The following STX8 variants were observed in gnomAD, a reference collection of about 807,000 sequenced individuals.
The protein encoded by STX8 is syntaxin 8, also known as syntaxin-8.
In STX8, 23 loss-of-function variants were observed where a neutral mutation model predicts 37.5. The observed-to-expected ratio is 0.61, with a 90% confidence interval of 0.44 to 0.87. The LOEUF (loss-of-function observed/expected upper bound fraction) is 0.87. STX8 is among the 40% of genes least tolerant of loss of function. The pLI, the probability that STX8 is intolerant of heterozygous loss-of-function variation, is 0.00. For synonymous variants in STX8, 115 were observed against 99.1 expected (o/e 1.16, Z -0.95); for missense variants, 313 against 284.7 (o/e 1.10, Z -0.71).
chr17:9,340,718 C>T (rs1020970382), intron 7 of STX8, among the ~76,000 whole-genome samples: 3 of 116,930 alleles, frequency 2.6e-5, no homozygotes, highest in African/African-American at 3.3e-5. Flanking sequence ...AGTGCAATGG[C>T]GTAATCTGGG....
At chr17:9,551,405 AT>A (rs749367680) in intron 3 of STX8, among the ~76,000 whole-genome samples, 1 of 152,244 alleles carries the variant, frequency 6.6e-6, no homozygotes, top group Non-Finnish European at 1.5e-5. Context: ...TGACCTGTAA[AT>A]TCTCAATGGT....
At chr17:9,301,149 T>C (rs533544430) in intron 7 of STX8, among the ~76,000 whole-genome samples, 1 of 152,228 alleles carries the variant, frequency 6.6e-6, no homozygotes, top group East Asian at 1.9e-4. Flanking sequence ...TTGTTCTTGA[T>C]CTGATCCTCT....
chr17:9,527,185 C>CAAAAAAAAAAAAAAAAAAAAAAA, intron 4 of STX8, among the ~76,000 whole-genome samples: 2 of 49,632 alleles, frequency 4.0e-5, no homozygotes, highest in African/African-American at 1.9e-4. Context: ...GACTCCGTCT[C>CAAAAAAAAAAAAAAAAAAAAAAA]AAAAAAAAAA....
intron 7 of STX8, among the ~76,000 whole-genome samples, chr17:9,371,609 T>C (rs1911403207): frequency 6.6e-6 from 1 of 151,616 alleles, no homozygotes; most frequent in African/African-American, 2.4e-5. Context: ...CTCTTCAAGA[T>C]GCTAACATTT....
At chr17:9,343,018 CAAA>C (rs4063994) in intron 7 of STX8, among the ~76,000 whole-genome samples, 16 of 110,550 alleles carry the variant, frequency 1.4e-4, no homozygotes, top group African/African-American at 6.0e-4. Context: ...GAAACTGTCT[CAAA>C]AAAAAAAAAA....
At position 9,316,698 on chromosome 17, in the gene STX8, G is replaced by A. The variant is rs530974622; in HGVS notation, c.643+61854C>T. Among the ~76,000 whole-genome samples the A allele has an allele frequency of 3.9e-5, 6 of 152,234 alleles. No homozygotes were observed. The South Asian group carries it at 8.3e-4, about 21-fold the overall frequency. On this transcript the variant is annotated intron_variant, in intron 7 of 7. Transcript: ENST00000306357. The stretch of plus-strand genomic sequence containing the variant: ...TAAATGAAGTGTTTCTTGGAGTTCC[G>A]TGACCCATTTTAAGCAAATAATCGA...
intron 7 of STX8, among the ~76,000 whole-genome samples, chr17:9,314,644 G>C (rs1323794414): frequency 1.3e-5 from 2 of 149,576 alleles, no homozygotes; most frequent in Admixed American, 1.3e-4. Flanking sequence ...TCCTGACCTA[G>C]TGATCCACCT....
intron 7 of STX8, among the ~76,000 whole-genome samples, chr17:9,262,910 C>A: frequency 6.6e-6 from 1 of 152,206 alleles, no homozygotes; most frequent in East Asian, 1.9e-4. Flanking sequence ...GAGCCAAAGT[C>A]ATCTCTGCTT....
chr17:9,337,250 G>A (rs879688), intron 7 of STX8, among the ~76,000 whole-genome samples: 5,303 of 152,198 alleles, frequency 0.035, 334 homozygotes, highest in African/African-American at 0.12. Flanking sequence ...AGTTGTGGAA[G>A]AAAAAGAGCT....
intron 7 of STX8, among the ~76,000 whole-genome samples, chr17:9,366,057 G>T (rs1299801904): frequency 6.6e-6 from 1 of 152,158 alleles, no homozygotes; most frequent in Non-Finnish European, 1.5e-5. Flanking sequence ...ATCACCATAG[G>T]TTCCATGATC....
At chr17:9,562,385 G>T (rs1420664534) in intron 2 of STX8, among the ~76,000 whole-genome samples, 1 of 150,030 alleles carries the variant, frequency 6.7e-6, no homozygotes, top group South Asian at 2.1e-4. Context: ...CAGCCTGGGC[G>T]ACAGAGCGAG....
Position 9,250,592 on chromosome 17 carries a change from A to G in STX8, c.697T>C (p.Trp233Arg), listed in dbSNP as rs1013358690. The change falls in exon 8 of 8, where the codon TGG becomes CGG. Residue 233 changes from tryptophan to arginine, a missense_variant. Trp to Arg is a moderately radical substitution (Grantham distance 101). Coordinates refer to ENST00000306357, the MANE Select transcript of STX8 (RefSeq NM_004853.3). ...LLVAIVVVAV[W>R]PTN ...CTTTACTGCCATCAGTTGGTCGGCCAGACTGCAACAACCACGATAGCCACA... is the reference window on the plus strand; with the variant it reads ...CTTTACTGCCATCAGTTGGTCGGCCGGACTGCAACAACCACGATAGCCACA... 1.3e-6 allele frequency: 2 copies of G among 1,596,966 alleles called. No homozygotes were observed. Among genetic ancestry groups the G allele is most frequent in the Non-Finnish European group, 1.7e-6 (2 of 1,172,082 alleles).
intron 7 of STX8, among the ~76,000 whole-genome samples, chr17:9,258,346 A>G (rs767667693): frequency 7.2e-5 from 11 of 152,260 alleles, no homozygotes; most frequent in Non-Finnish European, 1.6e-4. Context: ...ATACACGAAG[A>G]AAAGAGTAGA....
chr17:9,559,620 AAAATT>A (rs1274149145), intron 2 of STX8, among the ~76,000 whole-genome samples: 1 of 150,310 alleles, frequency 6.7e-6, no homozygotes, highest in Non-Finnish European at 1.5e-5. Flanking sequence ...TACAATAAGA[AAAATT>A]AAAGAAAAAT....
chr17:9,507,051 A>T lies in STX8; in HGVS notation c.324-1889T>A, dbSNP rs1330306272. 6.6e-6 allele frequency among the ~76,000 whole-genome samples: 1 copy of T among 151,946 alleles called. No homozygotes were observed. The highest frequency in any genetic ancestry group is 1.5e-5 in the Non-Finnish European group (1 of 67,990). On this transcript the variant is annotated intron_variant, in intron 4 of 7. Coordinates refer to ENST00000306357, the MANE Select transcript of STX8 (RefSeq NM_004853.3). The surrounding 1 kb of genome is among the most constrained non-coding windows in gnomAD (Gnocchi z 4.0). ...TTCAGCCACAGAAACAGTCCCACCC[A>T]GGGCAAACCCACTCTTGAGCCAACC...
chr17:9,391,686 C>G (rs1307708465), intron 6 of STX8, among the ~76,000 whole-genome samples: 15 of 141,774 alleles, frequency 1.1e-4, no homozygotes, highest in Admixed American at 4.2e-4. Context: ...AAAAAAGCCA[C>G]AGACTTAGAT....
At chr17:9,468,627 C>A (rs2142433056) in intron 6 of STX8, among the ~76,000 whole-genome samples, 1 of 152,334 alleles carries the variant, frequency 6.6e-6, no homozygotes, top group African/African-American at 2.4e-5. Context: ...CTCTTTCAAG[C>A]AAGGCCTTTC....
At chr17:9,467,360 G>C (rs373589233) in intron 6 of STX8, 1 of 152,196 alleles carries the variant, frequency 6.6e-6, no homozygotes, top group Admixed American at 6.6e-5. Context: ...ATGCTGTAGG[G>C]TCTGGAGGGT....
chr17:9,349,874 T>C (rs1910651728), intron 7 of STX8, among the ~76,000 whole-genome samples: 1 of 151,758 alleles, frequency 6.6e-6, no homozygotes, highest in South Asian at 2.1e-4. Flanking sequence ...CTGGAACTAC[T>C]GGCATGCACC....
Sources: gnomAD v4.1 joint callset for allele counts (sites outside exome capture counted in the v4.1 genomes callset) on GRCh38, gnomAD v4.1.1 for gene constraint, Gnocchi (gnomAD v3.1) non-coding constraint, MANE v1.5 for transcripts, NCBI Gene and HGNC (gene_info 2026-07-23, HGNC 2026-07-21) for gene names.